The following VPS53 variants were observed in gnomAD, a reference collection of about 807,000 sequenced individuals.
VPS53 encodes VPS53 subunit of GARP complex, also known as vacuolar protein sorting-associated protein 53 homolog.
In VPS53, 70 loss-of-function variants were observed where a neutral mutation model predicts 107.0. The ratio of observed to expected loss-of-function variants is 0.65; its 90% CI spans 0.54 to 0.80. VPS53 has a LOEUF of 0.80. VPS53 is among the 30% of genes least tolerant of loss of function. The pLI is 0.00. For missense variants in VPS53, 917 were observed against 1,049.4 expected, an observed-to-expected ratio of 0.87 and a Z score of 1.74; for synonymous variants, 409 against 393.3, an observed-to-expected ratio of 1.04 and a Z score of -0.47.
In VPS53 at chr17:519,082, G is replaced by A. The variant is rs1272068438; in HGVS notation, c.*46C>T. On this transcript the variant is annotated 3_prime_UTR_variant, in exon 22 of 22. Coordinates refer to ENST00000437048, the MANE Select transcript of VPS53 (RefSeq NM_001128159.3). This position sits in a 1 kb window ranked among gnomAD's most constrained non-coding sequence, Gnocchi z 5.0. ...GAGAGGTTGGGGGCTTCTGGGGAAC[G>A]GGCGCTGAGGGTCTCCAGCCAGGAG... 5.2e-5 allele frequency: 76 copies of A among 1,454,362 alleles called. 1 individual carries two copies. The East Asian group carries it at 6.1e-4, about 12-fold the overall frequency. The allele number at this position is 1,454,362 out of a possible 1,614,324, so 90.1% of individuals were successfully genotyped here.
intron 4 of VPS53, among the ~76,000 whole-genome samples, chr17:678,135 G>A (rs1324473276): frequency 6.6e-6 from 1 of 152,028 alleles, no homozygotes; most frequent in African/African-American, 2.4e-5. Context: ...GAGAAAAAAA[G>A]CCAGGCCCGG....
chr17:628,772 T>TCACA (rs1200814618), intron 8 of VPS53, among the ~76,000 whole-genome samples: 1 of 152,202 alleles, frequency 6.6e-6, no homozygotes. Flanking sequence ...GACATGTGTT[T>TCACA]CACAATAGTG....
intron 4 of VPS53, among the ~76,000 whole-genome samples, chr17:691,845 T>G (rs1036386223): frequency 6.6e-6 from 1 of 152,160 alleles, no homozygotes; most frequent in East Asian, 1.9e-4. Flanking sequence ...GTTATTGTGG[T>G]GAATCTCTTA....
At chr17:679,236 C>A (rs1010386440) in intron 4 of VPS53, among the ~76,000 whole-genome samples, 1 of 152,010 alleles carries the variant, frequency 6.6e-6, no homozygotes, top group South Asian at 2.1e-4. Flanking sequence ...AAAAGAGAGG[C>A]CAGATGCGGT....
intron 19 of VPS53, among the ~76,000 whole-genome samples, chr17:526,217 G>A (rs1410661166): frequency 6.6e-6 from 1 of 151,488 alleles, no homozygotes; most frequent in African/African-American, 2.4e-5. Context: ...GCATTCATTT[G>A]TTGGTAGGAA....
At chr17:689,455 GC>G (rs1190385531) in intron 4 of VPS53, among the ~76,000 whole-genome samples, 1 of 146,556 alleles carries the variant, frequency 6.8e-6, no homozygotes, top group Admixed American at 7.0e-5. Context: ...GTGCCACCAT[GC>G]TGGACTAATT....
intron 4 of VPS53, among the ~76,000 whole-genome samples, chr17:696,791 CTTT>C (rs67948585): frequency 1.8e-5 from 2 of 113,778 alleles, no homozygotes; most frequent in Admixed American, 1.1e-4. Flanking sequence ...ACTTATAAAA[CTTT>C]TTTTTTTTTT....
At chr17:566,203 C>CAAAAAA (rs1003234136) in intron 13 of VPS53, among the ~76,000 whole-genome samples, 1 of 57,312 alleles carries the variant, frequency 1.7e-5, no homozygotes, top group Non-Finnish European at 4.0e-5. Context: ...GACTCCGTCT[C>CAAAAAA]AAAAAAAAAA....
At position 515,442 on chromosome 17, in the gene VPS53, G is replaced by T. The variant is rs954934982; in HGVS notation, c.*3686C>A. The T allele has an allele frequency of 6.6e-6, 1 of 152,136 alleles. No individual in the cohort carries two copies. The highest frequency in any genetic ancestry group is 1.5e-5 in the Non-Finnish European group (1 of 68,052). 9.4% of individuals were successfully genotyped at this position (152,136 alleles called of 1,614,324 possible). ...GACAGGGTTTCACCATGTCGGCCAGGCTGGTCTCGAACTCCTGACCTCACA... is the reference window on the plus strand; with the variant it reads ...GACAGGGTTTCACCATGTCGGCCAGTCTGGTCTCGAACTCCTGACCTCACA... On this transcript the variant is annotated 3_prime_UTR_variant, in exon 22 of 22. Transcript: ENST00000437048.
At chr17:633,046 C>T (rs1970027167) in intron 7 of VPS53, among the ~76,000 whole-genome samples, 2 of 152,126 alleles carry the variant, frequency 1.3e-5, no homozygotes, top group South Asian at 2.1e-4. Context: ...AAAGGGGAGG[C>T]CAGTACTCAA....
chr17:519,774 C>A lies in VPS53; in HGVS notation c.2328+52G>T. ...TATATCCCAATTCCCGGTTAAGAACCGCTGAGTGTGAGGGGGATGAGCAGG... is the reference window on the plus strand; with the variant it reads ...TATATCCCAATTCCCGGTTAAGAACAGCTGAGTGTGAGGGGGATGAGCAGG... On this transcript the variant is annotated intron_variant, in intron 21 of 21. Coordinates refer to ENST00000437048, the MANE Select transcript of VPS53 (RefSeq NM_001128159.3). The surrounding 1 kb of genome is among the most constrained non-coding windows in gnomAD (Gnocchi z 5.0). 1 of 1,330,754 alleles carries A rather than the reference C, an allele frequency of 7.5e-7. No individual in the cohort carries two copies. Among genetic ancestry groups the A allele is most frequent in the Non-Finnish European group, 1.1e-6 (1 of 947,512 alleles). The allele number at this position is 1,330,754 out of a possible 1,614,324, so 82.4% of individuals were successfully genotyped here.
Position 590,019 on chromosome 17 carries a change from T to C in VPS53, c.1219-3655A>G, listed in dbSNP as rs1967555050. Among the ~76,000 whole-genome samples the C allele has an allele frequency of 2.0e-5, 3 of 152,336 alleles. No homozygotes were observed. In the South Asian group the frequency reaches 6.2e-4, roughly 32 times the overall value. On this transcript the variant is annotated intron_variant, in intron 12 of 21. Transcript: ENST00000437048. ...TCTTCCTACTCATGAGAATGGAATGTTCTCCCATTTGTTTGTATCCTCTTT... is the reference window on the plus strand; with the variant it reads ...TCTTCCTACTCATGAGAATGGAATGCTCTCCCATTTGTTTGTATCCTCTTT...
intron 14 of VPS53, among the ~76,000 whole-genome samples, chr17:560,898 C>T (rs541850018): frequency 9.2e-5 from 14 of 152,294 alleles, no homozygotes; most frequent in Admixed American, 6.5e-4. Flanking sequence ...CATTTAGGAC[C>T]GTGTGGAGCA....
intron 4 of VPS53, among the ~76,000 whole-genome samples, chr17:679,128 T>C (rs1192202934): frequency 1.3e-5 from 2 of 152,092 alleles, no homozygotes; most frequent in Non-Finnish European, 2.9e-5. Flanking sequence ...CTGACAAATA[T>C]ATCCAAGTGC....
chr17:696,995 A>G (rs934397753), intron 4 of VPS53, among the ~76,000 whole-genome samples: 2 of 152,116 alleles, frequency 1.3e-5, no homozygotes, highest in Non-Finnish European at 2.9e-5. Context: ...ATGAATCTTG[A>G]GTCACCTGCC....
chr17:709,997 T>C (rs1287075002), intron 2 of VPS53, among the ~76,000 whole-genome samples: 1 of 151,916 alleles, frequency 6.6e-6, no homozygotes, highest in Non-Finnish European at 1.5e-5. Context: ...TCACAAAAAT[T>C]AGCCAGGCGT....
intron 17 of VPS53, among the ~76,000 whole-genome samples, chr17:549,044 T>TAC: frequency 6.6e-6 from 1 of 152,330 alleles, no homozygotes; most frequent in African/African-American, 2.4e-5. Context: ...GCTGTCATCT[T>TAC]ACACATCTCT....
chr17:560,947 A>G (rs1344752927), intron 14 of VPS53, among the ~76,000 whole-genome samples: 1 of 152,206 alleles, frequency 6.6e-6, no homozygotes, highest in Non-Finnish European at 1.5e-5. Context: ...TCAGTTAAGA[A>G]AAGTCTGCAC....
intron 7 of VPS53, among the ~76,000 whole-genome samples, chr17:635,469 C>G (rs543185768): frequency 6.6e-6 from 1 of 152,172 alleles, no homozygotes; most frequent in African/African-American, 2.4e-5. Flanking sequence ...GAAGTCCTTG[C>G]CCATGCCTAT....
Sources: allele counts gnomAD v4.1 joint callset (sites outside exome capture counted in the v4.1 genomes callset), GRCh38; gene constraint gnomAD v4.1.1; non-coding constraint Gnocchi (gnomAD v3.1); transcripts MANE v1.5; gene names NCBI Gene and HGNC (gene_info 2026-07-23, HGNC 2026-07-21).